The following PRRG1 variants were observed in gnomAD, a reference collection of about 807,000 sequenced individuals.
The protein encoded by PRRG1 is transmembrane gamma-carboxyglutamic acid protein 1.
Under a neutral mutation model 11.8 loss-of-function variants are expected in PRRG1, and 5 were observed. That is an observed-to-expected ratio of 0.42 (90% confidence interval 0.22 to 0.89). The LOEUF is 0.89. Among genes scored for constraint, PRRG1 ranks in the 40% least tolerant of loss-of-function variants. The pLI, the probability that PRRG1 is intolerant of heterozygous loss-of-function variation, is 0.28. For synonymous variants in PRRG1, 66 were observed against 60.4 expected (o/e 1.09, Z -0.43); for missense variants, 155 against 166.1 (o/e 0.93, Z 0.37).
chrX:37,361,880 G>A (rs1930427489), intron 1 of PRRG1, among the ~76,000 whole-genome samples: 1 of 112,091 alleles, frequency 8.9e-6, no homozygotes, highest in Admixed American at 9.5e-5. Flanking sequence ...TTGCTTCAGG[G>A]AAAAAGCAGG....
At chrX:37,359,408 T>C (rs1248754197) in intron 1 of PRRG1, among the ~76,000 whole-genome samples, 10 of 111,286 alleles carry the variant, frequency 9.0e-5, no homozygotes, top group Non-Finnish European at 1.7e-4. Flanking sequence ...TTGTGTAAAT[T>C]TTCCCTTTTG....
At chrX:37,435,918 A>G (rs1932880125) in intron 3 of PRRG1, among the ~76,000 whole-genome samples, 1 of 112,086 alleles carries the variant, frequency 8.9e-6, no homozygotes. Context: ...CAAATTTACC[A>G]TCCTAATGTA....
intron 3 of PRRG1, among the ~76,000 whole-genome samples, chrX:37,437,513 A>G (rs782329706): frequency 1.2e-4 from 14 of 112,159 alleles, no homozygotes; most frequent in Non-Finnish European, 2.4e-4. Context: ...TGGACCTGTC[A>G]CCTATCATGC....
At position 37,454,173 on chromosome X, in the gene PRRG1, T is replaced by C. The variant is rs1306592993; in HGVS notation, c.*552T>C. 1 of 112,511 alleles carries C rather than the reference T, an allele frequency of 8.9e-6. No individual in the cohort carries two copies. Among genetic ancestry groups the C allele is most frequent in the African/African-American group, 3.2e-5 (1 of 30,996 alleles). 9.3% of individuals were successfully genotyped at this position (112,511 alleles called of 1,213,427 possible). A position where few individuals can be genotyped will look rare whatever the true frequency, so the allele number is the denominator to read the frequency against. On this transcript the variant is annotated 3_prime_UTR_variant, in exon 4 of 4. Transcript: ENST00000378628. The stretch of plus-strand genomic sequence containing the variant: ...AATTACACATAGTCATTCTTGATGT[T>C]ATAAATAGAGAAAAAGTGTGTGTGA...
rs146408593 is a variant in PRRG1 at position 37,432,940 on chromosome X, T to C, written c.171+6940T>C. ...TAAGTAGTAACTCCATCCATCATGT[T>C]TGCTGATCTCCAGGCTTTTTGCCAT... is the stretch of plus-strand genomic sequence containing the variant. On this transcript the variant is annotated intron_variant, in intron 3 of 3. Coordinates refer to ENST00000378628, the MANE Select transcript of PRRG1 (RefSeq NM_001142395.2). 3.3e-3 allele frequency among the ~76,000 whole-genome samples: 370 copies of C among 111,718 alleles called. 2 individuals are homozygous for C. Among genetic ancestry groups the C allele is most frequent in the African/African-American group, 0.012 (358 of 30,771 alleles).
chrX:37,429,427 G>A (rs1410494398), intron 3 of PRRG1, among the ~76,000 whole-genome samples: 2 of 111,562 alleles, frequency 1.8e-5, no homozygotes, highest in Non-Finnish European at 3.8e-5. Flanking sequence ...TCTTTCTCAA[G>A]TTCAAAGTTC....
At chrX:37,351,217 G>A (rs1399203115) in intron 1 of PRRG1, among the ~76,000 whole-genome samples, 1 of 111,350 alleles carries the variant, frequency 9.0e-6, no homozygotes, top group African/African-American at 3.3e-5. Flanking sequence ...TTCATAGGCC[G>A]GGTGCAGTGG....
At chrX:37,442,778 G>A (rs182210669) in intron 3 of PRRG1, among the ~76,000 whole-genome samples, 89 of 111,556 alleles carry the variant, frequency 8.0e-4, no homozygotes, top group Non-Finnish European at 1.5e-3. Flanking sequence ...CAGAGTGACA[G>A]TGATAATGGG....
intron 2 of PRRG1, among the ~76,000 whole-genome samples, chrX:37,411,231 C>T (rs1197214954): frequency 8.9e-6 from 1 of 111,857 alleles, no homozygotes; most frequent in Non-Finnish European, 1.9e-5. Flanking sequence ...TTACAGTATA[C>T]AGAAGGATAT....
In PRRG1 at chrX:37,453,365, C is replaced by A. The variant is rs782391292; in HGVS notation, c.401C>A (p.Pro134Gln). The A allele has an allele frequency of 2.5e-5, 30 of 1,206,725 alleles. No individual in the cohort carries two copies. Among genetic ancestry groups the A allele is most frequent in the Middle Eastern group, 2.3e-4 (1 of 4,375 alleles). ...QHLNIITPPPPPDEVFDSSGL... is the reference protein window; with the variant it reads ...QHLNIITPPPQPDEVFDSSGL... ...CTTAATATTATCACCCCACCCCCCCCACCAGATGAAGTGTTTGACAGCAGT... is the reference window on the plus strand; with the variant it reads ...CTTAATATTATCACCCCACCCCCCCAACCAGATGAAGTGTTTGACAGCAGT... The change falls in exon 4 of 4, where the codon CCA becomes CAA. Residue 134 changes from proline (P) to glutamine (Q), a missense_variant. Pro to Gln is a moderately conservative substitution (Grantham distance 76). Coordinates refer to ENST00000378628, the MANE Select transcript of PRRG1 (RefSeq NM_001142395.2).
chrX:37,364,455 A>T lies in PRRG1; in HGVS notation c.-42+15060A>T, dbSNP rs1298357661. ...CAATAATCATGTGATTTCATAGATT[A>T]CTTTGAGAGTTTATACTGCACTCTA... On this transcript the variant is annotated intron_variant, in intron 1 of 3. Coordinates refer to ENST00000378628, the MANE Select transcript of PRRG1 (RefSeq NM_001142395.2). Among the ~76,000 whole-genome samples the T allele has an allele frequency of 2.7e-5, 3 of 112,214 alleles. No homozygotes were observed. The Admixed American group carries it at 2.8e-4, about 11-fold the overall frequency.
chrX:37,446,481 C>T (rs573277019), intron 3 of PRRG1, among the ~76,000 whole-genome samples: 2 of 111,836 alleles, frequency 1.8e-5, no homozygotes, highest in East Asian at 2.8e-4. Context: ...GTAATACATC[C>T]GTAATGTTCA....
Position 37,420,375 on chromosome X carries a change from A to G in PRRG1, c.11-5465A>G, listed in dbSNP as rs782013378. On this transcript the variant is annotated intron_variant, in intron 2 of 3. Transcript: ENST00000378628. ...TAACCTTGTTCCCACAAGAAATCCA[A>G]TAACTCCAGGGTTGCACAATAGGTC... 9.9e-5 allele frequency among the ~76,000 whole-genome samples: 11 copies of G among 111,494 alleles called. No individual in the cohort carries two copies. The East Asian group carries it at 1.7e-3, about 17-fold the overall frequency.
chrX:37,387,438 A>G (rs1931362886), intron 1 of PRRG1, among the ~76,000 whole-genome samples: 2 of 111,990 alleles, frequency 1.8e-5, no homozygotes, highest in African/African-American at 6.5e-5. Flanking sequence ...CTGTACAGGA[A>G]GCATGATACT....
chrX:37,403,012 A>G (rs782254845), intron 1 of PRRG1, among the ~76,000 whole-genome samples: 114 of 110,655 alleles, frequency 1.0e-3, no homozygotes, highest in African/African-American at 3.8e-3. Context: ...AGAAATAGGA[A>G]CACTTTTACA....
chrX:37,403,713 G>A (rs1932103443), intron 1 of PRRG1: 2 of 742,566 alleles, frequency 2.7e-6, no homozygotes, highest in East Asian at 3.1e-4. Flanking sequence ...AAAAAAGAAG[G>A]GACCAGAGAC....
At chrX:37,401,501 A>G (rs1190715002) in intron 1 of PRRG1, among the ~76,000 whole-genome samples, 42 of 110,177 alleles carry the variant, frequency 3.8e-4, no homozygotes, top group African/African-American at 1.3e-3. Context: ...AATAAGAGCT[A>G]TCTATGACAA....
intron 3 of PRRG1, among the ~76,000 whole-genome samples, chrX:37,451,179 C>T (rs781851540): frequency 7.2e-5 from 8 of 111,389 alleles, no homozygotes; most frequent in South Asian, 3.8e-4. Flanking sequence ...CCACCACGCC[C>T]GGCTAATTTT....
At position 37,442,121 on chromosome X, in the gene PRRG1, C is replaced by T. The variant is rs782818991; in HGVS notation, c.172-11015C>T. On this transcript the variant is annotated intron_variant, in intron 3 of 3. Coordinates refer to ENST00000378628, the MANE Select transcript of PRRG1 (RefSeq NM_001142395.2). The stretch of plus-strand genomic sequence containing the variant: ...ACGGTGTGCCTTCCCTGGGTCAGGC[C>T]ACCAGGCGGGGGCGTGCATGTTGCC... 5.1e-5 allele frequency: 39 copies of T among 758,013 alleles called. No individual in the cohort carries two copies. The African/African-American group carries it at 7.8e-4, about 15-fold the overall frequency. The allele number at this position is 758,013 out of a possible 1,213,427, so 62.5% of individuals were successfully genotyped here.
Sources: allele counts gnomAD v4.1 joint callset (sites outside exome capture counted in the v4.1 genomes callset), GRCh38; gene constraint gnomAD v4.1.1; transcripts MANE v1.5; gene names NCBI Gene and HGNC (gene_info 2026-07-23, HGNC 2026-07-21).